Variants in ADGRL1 observed in about 807,000 individuals in gnomAD.
The protein encoded by ADGRL1 is CIRL-1.
ADGRL1 carries 31 observed loss-of-function variants against 148.9 expected under a neutral mutation model. That is an observed-to-expected ratio of 0.21 (90% confidence interval 0.16 to 0.28). The LOEUF is 0.28. Ranked by LOEUF, ADGRL1 falls within the 10% of genes least tolerant of loss-of-function variation. The pLI is 1.00. For synonymous variants in ADGRL1, 937 were observed against 900.3 expected (o/e 1.04, Z -0.73); for missense variants, 1,521 against 2,058.8 (o/e 0.74, Z 5.05).
In ADGRL1 at chr19:14,161,226, A is replaced by G; in HGVS notation, c.1510+86T>C. 1 of 1,302,156 alleles carries G rather than the reference A, an allele frequency of 7.7e-7. No individual in the cohort carries two copies. The highest frequency in any genetic ancestry group is 2.9e-5 in the Admixed American group (1 of 34,480). The allele number at this position is 1,302,156 out of a possible 1,614,324, so 80.7% of individuals were successfully genotyped here. A position where few individuals can be genotyped will look rare whatever the true frequency, so the allele number is the denominator to read the frequency against. On this transcript the variant is annotated intron_variant, in intron 6 of 22. Coordinates refer to ENST00000361434, the MANE Select transcript of ADGRL1 (RefSeq NM_014921.5). The surrounding 1 kb of genome is among the most constrained non-coding windows in gnomAD (Gnocchi z 4.4). ...CCTCAGAAAACCTCTGCTCCGCAGT[A>G]GAGACCCCCACCCACACATGCATCT...
chr19:14,173,044 C>T (rs1199926867), intron 3 of ADGRL1, among the ~76,000 whole-genome samples: 3 of 152,138 alleles, frequency 2.0e-5, no homozygotes, highest in East Asian at 1.9e-4. Context: ...ACTGCAGCCT[C>T]GGCCTCCCAG....
At position 14,202,332 on chromosome 19, in the gene ADGRL1, A is replaced by C. The variant is rs554832022; in HGVS notation, c.-96+3653T>G. ...CAGTGGCACAATCTCGGCTCGCTGC[A>C]ACCTCCGCCTCCTGGATTCAAGCAA... On this transcript the variant is annotated intron_variant, in intron 1 of 22. Transcript: ENST00000361434. 2.0e-5 allele frequency among the ~76,000 whole-genome samples: 3 copies of C among 151,762 alleles called. No individual in the cohort carries two copies. In the South Asian group the frequency reaches 6.2e-4, roughly 32 times the overall value.
At chr19:14,163,597 G>C (rs1441942822) in intron 4 of ADGRL1, among the ~76,000 whole-genome samples, 191 bp from the exon 5 acceptor site, 1 of 152,076 alleles carries the variant, frequency 6.6e-6, no homozygotes, top group East Asian at 1.9e-4. Flanking sequence ...GTGATGGGAA[G>C]GGGGTTTCCG....
At chr19:14,165,859 G>A (rs938917544) in intron 4 of ADGRL1, among the ~76,000 whole-genome samples, 3 of 152,040 alleles carry the variant, frequency 2.0e-5, no homozygotes, top group Admixed American at 6.5e-5. Context: ...TAATTTCAAG[G>A]CAAAAGGGAT....
intron 3 of ADGRL1, among the ~76,000 whole-genome samples, chr19:14,174,556 G>A (rs1330165268): frequency 7.1e-6 from 1 of 141,346 alleles, no homozygotes; most frequent in Non-Finnish European, 1.5e-5. Flanking sequence ...TTTTTTTTGA[G>A]ACAGAGTCTC....
In ADGRL1 at chr19:14,177,642, A is replaced by G. The variant is rs762265670; in HGVS notation, c.173T>C (p.Val58Ala). The G allele has an allele frequency of 6.2e-7, 1 of 1,614,206 alleles. No homozygotes were observed. Among genetic ancestry groups the G allele is most frequent in the Admixed American group, 1.7e-5 (1 of 60,026 alleles). ...LRCPGSDVIM[V>A]ENANYGRTDD... Reference sequence around the variant, plus strand: ...CGTGCGCCCGTAGTTGGCATTCTCCACCATGATGACGTCGCTGCCGGGGCA... The same window carrying G: ...CGTGCGCCCGTAGTTGGCATTCTCCGCCATGATGACGTCGCTGCCGGGGCA... The change falls in exon 3 of 23, where the codon GTG becomes GCG. Residue 58 changes from valine to alanine, a missense_variant. Val to Ala is a moderately conservative substitution (Grantham distance 64, BLOSUM62 0). Transcript: ENST00000361434.
intron 1 of ADGRL1, among the ~76,000 whole-genome samples, chr19:14,184,388 GCT>G (rs1971430628): frequency 6.6e-6 from 1 of 151,678 alleles, no homozygotes; most frequent in South Asian, 2.1e-4. Context: ...CTCCCCACCT[GCT>G]CTGTCCCCAG....
rs1315251338 is a variant in ADGRL1, at chr19:14,152,845, G to A, written c.3362C>T (p.Thr1121Ile). ...GGCTGAGGTCTTGAGGGATCCGTGA[G>A]TGCCCCCGGGTGGGGAGCGGATGCA... ...YCCIRSPPGG[T>I]HGSLKTSAMR... Residue 1121 changes from threonine to isoleucine, a missense_variant, in exon 19 of 23, where the codon ACT becomes ATT. Coordinates refer to ENST00000361434, the MANE Select transcript of ADGRL1 (RefSeq NM_014921.5). The surrounding 1 kb of genome is among the most constrained non-coding windows in gnomAD (Gnocchi z 6.1). 2 of 1,614,164 alleles carry A rather than the reference G, an allele frequency of 1.2e-6. No individual in the cohort carries two copies. The highest frequency in any genetic ancestry group is 3.3e-5 in the Admixed American group (2 of 60,032).
intron 4 of ADGRL1, among the ~76,000 whole-genome samples, chr19:14,168,224 G>T (rs1188971490): frequency 6.6e-6 from 1 of 152,002 alleles, no homozygotes; most frequent in Non-Finnish European, 1.5e-5. Context: ...GAGCTCCGCA[G>T]GGGCAGCCTC....
In ADGRL1 at chr19:14,150,498, T is replaced by G. The variant is rs1286670654; in HGVS notation, c.*375A>C. ...CTTTGGCAACCTCAGAAGCTGCCCC[T>G]CCCTGCCCAGGAAACTAAAGCCCTC... is the stretch of plus-strand genomic sequence containing the variant. On this transcript the variant is annotated 3_prime_UTR_variant, in exon 23 of 23. Coordinates refer to ENST00000361434, the MANE Select transcript of ADGRL1 (RefSeq NM_014921.5). 1 of 208,216 alleles carries G rather than the reference T, an allele frequency of 4.8e-6. No homozygotes were observed. Among genetic ancestry groups the G allele is most frequent in the African/African-American group, 2.3e-5 (1 of 43,118 alleles). The allele number at this position is 208,216 out of a possible 1,614,324, so 12.9% of individuals were successfully genotyped here.
intron 2 of ADGRL1, 77 bp downstream of exon 2, chr19:14,183,455 AG>A (rs1971360049): frequency 7.7e-7 from 1 of 1,300,988 alleles, no homozygotes; most frequent in Non-Finnish European, 1.1e-6. Flanking sequence ...AGTGATCAGG[AG>A]GGTTTTCAAC....
In ADGRL1 at chr19:14,158,320, G is replaced by A. The variant is rs1236251575; in HGVS notation, c.2364+18C>T. 6.2e-7 allele frequency: 1 copy of A among 1,611,910 alleles called. No individual in the cohort carries two copies. Among genetic ancestry groups the A allele is most frequent in the African/African-American group, 1.3e-5 (1 of 74,904 alleles). ...GGTACAGGGACCCCCATGGAGGGAG[G>A]GGGACGGCTCAGCTCACCTCCAGGT... is the stretch of plus-strand genomic sequence containing the variant. On this transcript the variant is annotated intron_variant, in intron 12 of 22. Transcript: ENST00000361434.
At chr19:14,188,999 G>A (rs1484774033) in intron 1 of ADGRL1, among the ~76,000 whole-genome samples, 2 of 151,904 alleles carry the variant, frequency 1.3e-5, no homozygotes, top group South Asian at 2.1e-4. Context: ...TGATCCACCC[G>A]CCTCGGCCTC....
chr19:14,156,236 G>C, intron 16 of ADGRL1, 35 bp from the exon 17 acceptor site: 1 of 1,507,116 alleles, frequency 6.6e-7, no homozygotes, highest in Non-Finnish European at 9.2e-7. Context: ...TGGGCTGAGA[G>C]TGGCCCTGCC....
At chr19:14,203,196 G>A (rs897419146) in intron 1 of ADGRL1, among the ~76,000 whole-genome samples, 1 of 152,182 alleles carries the variant, frequency 6.6e-6, no homozygotes, top group Non-Finnish European at 1.5e-5. Flanking sequence ...CCCTCCCCCT[G>A]CCTCCCCACA....
intron 1 of ADGRL1, among the ~76,000 whole-genome samples, 178 bp downstream of exon 1, chr19:14,205,807 T>C (rs1271404495): frequency 2.7e-5 from 4 of 150,378 alleles, no homozygotes; most frequent in Admixed American, 2.0e-4. Context: ...AGGTGCGGGC[T>C]GCCCCCGACG....
At chr19:14,203,690 T>TC (rs914721623) in intron 1 of ADGRL1, among the ~76,000 whole-genome samples, 11 of 150,246 alleles carry the variant, frequency 7.3e-5, no homozygotes, top group Non-Finnish European at 1.5e-4. Flanking sequence ...GGGCTTCGAG[T>TC]CCCCCCCTTC....
At chr19:14,192,545 CTTTGT>C (rs1209024368) in intron 1 of ADGRL1, among the ~76,000 whole-genome samples, 2 of 142,796 alleles carry the variant, frequency 1.4e-5, no homozygotes, top group Non-Finnish European at 3.1e-5. Context: ...CCGGCCTTTT[CTTTGT>C]TTTGTTTTGA....
Position 14,160,290 on chromosome 19 carries a change from C to A in ADGRL1, c.1622G>T (p.Ser541Ile). 6.3e-7 allele frequency: 1 copy of A among 1,590,222 alleles called. No individual in the cohort carries two copies. Among genetic ancestry groups the A allele is most frequent in the Admixed American group, 1.7e-5 (1 of 59,432 alleles). The change falls in exon 8 of 23, where the codon AGT becomes ATT. Residue 541 changes from serine (S) to isoleucine (I), a missense_variant. Ser to Ile is a moderately radical substitution (Grantham distance 142, BLOSUM62 -2). Transcript: ENST00000361434. The surrounding 1 kb of genome is among the most constrained non-coding windows in gnomAD (Gnocchi z 5.9). ...WVNQVAQKIK[S>I]GENAANIASE... ...GGCGATGTTGGCCGCGTTCTCCCCA[C>A]TCTTGATCTGCATGAGGTGGGGGCG...
Sources: allele counts gnomAD v4.1 joint callset (sites outside exome capture counted in the v4.1 genomes callset), GRCh38; gene constraint gnomAD v4.1.1; non-coding constraint Gnocchi (gnomAD v3.1); transcripts MANE v1.5; gene names NCBI Gene and HGNC (gene_info 2026-07-23, HGNC 2026-07-21).